The following RANBP2 variants were observed in gnomAD, a reference collection of about 807,000 sequenced individuals.
The protein encoded by RANBP2 is RAN binding protein 2.
RANBP2 carries 57 observed loss-of-function variants against 303.6 expected under a neutral mutation model. That is an observed-to-expected ratio of 0.19 (90% CI 0.15 to 0.23). The LOEUF (loss-of-function observed/expected upper bound fraction) is 0.23, where lower values mean the gene tolerates loss of function less well. RANBP2 is among the 10% of genes least tolerant of loss of function. RANBP2 has a pLI of 1.00. For missense variants in RANBP2, 3,138 were observed against 3,780.8 expected (o/e 0.83, Z 4.46); for synonymous variants, 1,167 against 1,301.5 (o/e 0.90, Z 2.23).
the RANBP2 span, among the ~76,000 whole-genome samples, chr2:109,273,557 G>A: frequency 5.9e-5 from 9 of 152,248 alleles, no homozygotes; most frequent in Non-Finnish European, 1.5e-5. Flanking sequence ...GAATGCATGT[G>A]AGGTGCCAGG....
chr2:109,177,038 T>A, the RANBP2 span, among the ~76,000 whole-genome samples: 2 of 152,198 alleles, frequency 1.3e-5, no homozygotes, highest in African/African-American at 4.8e-5. Flanking sequence ...AGCCACCTGC[T>A]GTGTGACCTG....
the RANBP2 span, among the ~76,000 whole-genome samples, chr2:109,287,916 C>G: frequency 2.0e-5 from 3 of 152,226 alleles, no homozygotes; most frequent in Non-Finnish European, 2.9e-5. Context: ...TGTGCCACCT[C>G]TCTACATCCA....
At chr2:109,567,475 G>A in the RANBP2 span, among the ~76,000 whole-genome samples, 1 of 152,172 alleles carries the variant, frequency 6.6e-6, no homozygotes, top group African/African-American at 2.4e-5. Flanking sequence ...AAGGGAGGCT[G>A]TAAAGTCTTC....
chr2:109,396,528 A>T, the RANBP2 span, among the ~76,000 whole-genome samples: 2 of 152,160 alleles, frequency 1.3e-5, no homozygotes, highest in African/African-American at 4.8e-5. Flanking sequence ...ACCCTTTATC[A>T]TGCCACTTAA....
the RANBP2 span, among the ~76,000 whole-genome samples, chr2:109,250,080 G>A: frequency 3.4e-5 from 5 of 149,156 alleles, no homozygotes; most frequent in Admixed American, 6.6e-5. Context: ...GGGCAAAACA[G>A]TAGGTGTTCC....
the RANBP2 span, among the ~76,000 whole-genome samples, chr2:109,238,986 C>A: frequency 6.6e-6 from 1 of 152,168 alleles, no homozygotes. Flanking sequence ...TCTTTCTGTT[C>A]ATGAGAGGAA....
chr2:109,429,561 A>G, the RANBP2 span, among the ~76,000 whole-genome samples: 1 of 152,100 alleles, frequency 6.6e-6, no homozygotes, highest in Non-Finnish European at 1.5e-5. Flanking sequence ...TGAGGAGCCA[A>G]CATACCCCAT....
the RANBP2 span, among the ~76,000 whole-genome samples, chr2:109,692,507 T>A: frequency 6.6e-6 from 1 of 152,136 alleles, no homozygotes; most frequent in Non-Finnish European, 1.5e-5. Context: ...AGAAACAAAA[T>A]CCAAGCTGAG....
chr2:109,241,005 C>G, the RANBP2 span, among the ~76,000 whole-genome samples: 1 of 152,146 alleles, frequency 6.6e-6, no homozygotes, highest in Non-Finnish European at 1.5e-5. Context: ...CCATGCCTCC[C>G]TTTTGGCCAA....
the RANBP2 span, chr2:109,565,800 C>A: frequency 8.1e-6 from 13 of 1,613,948 alleles, no homozygotes; most frequent in African/African-American, 1.3e-5. Flanking sequence ...GAGCTTTGAC[C>A]ATCTTGTTTC....
chr2:108,999,897 A>G, the RANBP2 span, among the ~76,000 whole-genome samples: 1 of 152,172 alleles, frequency 6.6e-6, no homozygotes, highest in African/African-American at 2.4e-5. Context: ...GTGGCTCCAC[A>G]GCCCTGGGGT....
Position 108,753,546 on chromosome 2 carries a change from T to G in RANBP2, c.2038T>G (p.Tyr680Asp). ...AFESIKSVVS[Y>D]WNLALIFHRK... ...TGAATCTATAAAAAGTGTTGTTTCT[T>G]ATTGGAATCTTGCACTGGTAAGTAG... is the stretch of plus-strand genomic sequence containing the variant. The change falls in exon 14 of 29, where the codon TAT becomes GAT. Residue 680 changes from tyrosine to aspartate, a missense_variant. Tyr to Asp is a radical substitution (Grantham distance 160). Coordinates refer to ENST00000283195, the MANE Select transcript of RANBP2 (RefSeq NM_006267.5). The G allele has an allele frequency of 1.2e-6, 2 of 1,611,752 alleles. No individual in the cohort carries two copies. The highest frequency in any genetic ancestry group is 1.7e-6 in the Non-Finnish European group (2 of 1,179,786).
chr2:108,758,573 A>G (rs780842870), intron 18 of RANBP2, 25 bp downstream of exon 18: 19 of 1,610,778 alleles, frequency 1.2e-5, no homozygotes, highest in Middle Eastern at 4.5e-4. Flanking sequence ...GGATAATCGC[A>G]TATTTTAGTA....
chr2:108,933,740 G>T, the RANBP2 span, among the ~76,000 whole-genome samples: 2 of 152,158 alleles, frequency 1.3e-5, no homozygotes, highest in African/African-American at 4.8e-5. Context: ...TCTAGCAACA[G>T]AGCAAGCTGG....
chr2:109,620,732 A>G, the RANBP2 span, among the ~76,000 whole-genome samples: 455 of 152,268 alleles, frequency 3.0e-3, 1 homozygote, highest in Non-Finnish European at 4.4e-3. Context: ...AAGTTTCCTT[A>G]CAAGCTGACT....
chr2:109,690,211 G>A, the RANBP2 span, among the ~76,000 whole-genome samples: 2 of 152,182 alleles, frequency 1.3e-5, no homozygotes, highest in East Asian at 1.9e-4. Flanking sequence ...TCAGAGCACA[G>A]CTTGGTTTTA....
the RANBP2 span, among the ~76,000 whole-genome samples, chr2:108,942,533 G>T: frequency 6.6e-6 from 1 of 152,272 alleles, no homozygotes; most frequent in Non-Finnish European, 1.5e-5. Flanking sequence ...CGACGGCAGG[G>T]GCCAGCGTCC....
intron 22 of RANBP2, 27 bp downstream of exon 22, chr2:108,772,608 A>G: frequency 6.3e-7 from 1 of 1,582,770 alleles, no homozygotes; most frequent in Admixed American, 1.7e-5. Flanking sequence ...GGACATTTAT[A>G]ATGCTTTTAA....
chr2:108,851,604 T>G, the RANBP2 span, among the ~76,000 whole-genome samples: 3 of 152,086 alleles, frequency 2.0e-5, no homozygotes, highest in African/African-American at 7.2e-5. Context: ...CGCCCGGCCT[T>G]TCTCTTGGGT....
Sources: allele counts gnomAD v4.1 joint callset (sites outside exome capture counted in the v4.1 genomes callset), GRCh38; gene constraint gnomAD v4.1.1; transcripts MANE v1.5; gene names NCBI Gene and HGNC (gene_info 2026-07-23, HGNC 2026-07-21).